The following C1QTNF3 variants were observed in gnomAD, a reference collection of about 807,000 sequenced individuals.
C1QTNF3 encodes C1q and TNF related 3.
In C1QTNF3, 26 loss-of-function variants were observed where a neutral mutation model predicts 32.6. The ratio of observed to expected loss-of-function variants is 0.80; its 90% confidence interval spans 0.58 to 1.11. C1QTNF3 has a LOEUF of 1.11. C1QTNF3 is among the 50% of genes least tolerant of loss of function. C1QTNF3 has a pLI of 0.00. For synonymous variants in C1QTNF3, 155 were observed against 146.0 expected, an observed-to-expected ratio of 1.06 and a Z score of -0.44; for missense variants, 362 against 398.2, an observed-to-expected ratio of 0.91 and a Z score of 0.77.
chr5:34,037,127 T>C (rs1191477915), intron 1 of C1QTNF3, among the ~76,000 whole-genome samples: 7 of 152,334 alleles, frequency 4.6e-5, no homozygotes, highest in Non-Finnish European at 8.8e-5. Context: ...TGGAAGTTGA[T>C]TGACAGAAGA....
At chr5:34,148,126 C>A in the C1QTNF3 span, among the ~76,000 whole-genome samples, 1 of 150,144 alleles carries the variant, frequency 6.7e-6, no homozygotes, top group South Asian at 2.1e-4. Context: ...TCACTCCCAC[C>A]CGAATATTGC....
At chr5:34,043,227 G>C, upstream of C1QTNF3, 1 of 1,282,438 alleles carries the variant, frequency 7.8e-7, no homozygotes, top group Non-Finnish European at 1.1e-6. Context: ...AGCTGCAGCG[G>C]CGGAGTGGTT....
intron 5 of C1QTNF3, 99 bp downstream of exon 5, chr5:34,023,810 T>G: frequency 1.2e-6 from 1 of 812,788 alleles, no homozygotes; most frequent in Non-Finnish European, 2.0e-6. Context: ...AGGGGCCATG[T>G]CAGGCTCTAT....
At chr5:34,200,941 C>CTT in the C1QTNF3 span, 1 of 151,718 alleles carries the variant, frequency 6.6e-6, no homozygotes, top group Non-Finnish European at 1.5e-5. Context: ...AATCAGAAGA[C>CTT]CAATATCAAA....
At chr5:34,024,075 T>C in intron 4 of C1QTNF3, 67 bp from the exon 5 acceptor site, 1 of 1,250,948 alleles carries the variant, frequency 8.0e-7, no homozygotes, top group South Asian at 1.2e-5. Context: ...TGGAGATACC[T>C]GGAGATTTGC....
At chr5:34,174,904 C>T in the C1QTNF3 span, among the ~76,000 whole-genome samples, 11 of 151,076 alleles carry the variant, frequency 7.3e-5, no homozygotes, top group Non-Finnish European at 1.2e-4. Context: ...CCCACCACCA[C>T]GCCCGGCTGA....
At chr5:34,108,641 T>C in the C1QTNF3 span, among the ~76,000 whole-genome samples, 2 of 151,700 alleles carry the variant, frequency 1.3e-5, no homozygotes, top group African/African-American at 4.8e-5. Flanking sequence ...ATATGTGTAG[T>C]AAATAAAGGT....
the C1QTNF3 span, among the ~76,000 whole-genome samples, chr5:34,143,574 G>T: frequency 6.6e-6 from 1 of 152,136 alleles, no homozygotes; most frequent in Non-Finnish European, 1.5e-5. Flanking sequence ...ACCCCATCAG[G>T]CTGGCAATGG....
At chr5:34,021,246 A>G (rs1224644691) in intron 5 of C1QTNF3, among the ~76,000 whole-genome samples, 1 of 152,224 alleles carries the variant, frequency 6.6e-6, no homozygotes, top group Non-Finnish European at 1.5e-5. Context: ...GCAAGGAGCA[A>G]TGGGGAAACA....
At chr5:34,231,259 T>C in the C1QTNF3 span, among the ~76,000 whole-genome samples, 2 of 152,250 alleles carry the variant, frequency 1.3e-5, no homozygotes, top group African/African-American at 4.8e-5. Flanking sequence ...AAGTTATGAT[T>C]GTGCCATAGT....
chr5:34,155,155 A>G, the C1QTNF3 span, among the ~76,000 whole-genome samples: 2 of 152,180 alleles, frequency 1.3e-5, no homozygotes, highest in South Asian at 2.1e-4. Flanking sequence ...GATTATGACT[A>G]AAAAGGAGAA....
At chr5:34,141,580 TGTTATCTCATTGTG>T in the C1QTNF3 span, among the ~76,000 whole-genome samples, 1 of 152,170 alleles carries the variant, frequency 6.6e-6, no homozygotes, top group East Asian at 1.9e-4. Context: ...AGGTATGAAG[TGTTATCTCATTGTG>T]GTTTTGATTT....
chr5:34,223,849 G>A, the C1QTNF3 span, among the ~76,000 whole-genome samples: 7 of 152,118 alleles, frequency 4.6e-5, no homozygotes, highest in Non-Finnish European at 1.0e-4. Context: ...TAGGAAAAGA[G>A]GAAGTCAAAT....
chr5:34,147,925 T>A, the C1QTNF3 span, among the ~76,000 whole-genome samples: 2 of 152,148 alleles, frequency 1.3e-5, no homozygotes, highest in South Asian at 4.1e-4. Flanking sequence ...CGGTGATTTC[T>A]GCATTTCCAT....
the C1QTNF3 span, among the ~76,000 whole-genome samples, chr5:34,068,006 T>C: frequency 1.3e-5 from 2 of 152,202 alleles, no homozygotes; most frequent in Non-Finnish European, 2.9e-5. Context: ...TTTTTTCCTT[T>C]TTTTAATGAA....
intron 4 of C1QTNF3, among the ~76,000 whole-genome samples, chr5:34,027,892 A>G (rs1754509031): frequency 6.6e-6 from 1 of 152,154 alleles, no homozygotes; most frequent in Non-Finnish European, 1.5e-5. Flanking sequence ...TTTTTTTTAA[A>G]GCAAGACACA....
At chr5:34,127,948 C>G in the C1QTNF3 span, among the ~76,000 whole-genome samples, 4 of 151,980 alleles carry the variant, frequency 2.6e-5, no homozygotes, top group Non-Finnish European at 5.9e-5. Context: ...TCAAGAGGAT[C>G]CTGATGTTAA....
chr5:34,119,002 CCTCA>C, the C1QTNF3 span, among the ~76,000 whole-genome samples: 3 of 151,928 alleles, frequency 2.0e-5, no homozygotes, highest in South Asian at 2.1e-4. Context: ...AGACAATGAA[CCTCA>C]CTGACTCATA....
At chr5:34,046,069 A>C (rs1754979993), upstream of C1QTNF3, among the ~76,000 whole-genome samples, 1 of 152,256 alleles carries the variant, frequency 6.6e-6, no homozygotes, top group African/African-American at 2.4e-5. Context: ...TAACTTCAGC[A>C]ACTTTTTGTA....
Sources: gnomAD v4.1 joint callset for allele counts (sites outside exome capture counted in the v4.1 genomes callset) on GRCh38, gnomAD v4.1.1 for gene constraint, MANE v1.5 for transcripts, NCBI Gene and HGNC (gene_info 2026-07-23, HGNC 2026-07-21) for gene names.